The following GPM6A variants were observed in gnomAD, a reference collection of about 807,000 sequenced individuals.
GPM6A encodes the protein neuronal membrane glycoprotein M6-a.
A neutral mutation model predicts 32.1 loss-of-function variants in GPM6A; 7 were observed. The observed-to-expected ratio is 0.22, with a 90% confidence interval of 0.12 to 0.41. The LOEUF (loss-of-function observed/expected upper bound fraction) is 0.41. Among genes scored for constraint, GPM6A ranks in the 10% least tolerant of loss-of-function variants. The pLI is 1.00. For missense variants in GPM6A, 235 were observed against 347.2 expected (o/e 0.68, Z 2.57); for synonymous variants, 130 against 123.4 (o/e 1.05, Z -0.35).
At chr4:175,796,951 T>C (rs1189064663) in intron 1 of GPM6A, among the ~76,000 whole-genome samples, 1 of 149,592 alleles carries the variant, frequency 6.7e-6, no homozygotes, top group African/African-American at 2.5e-5. Flanking sequence ...TCCTGAATTG[T>C]TTTTTTTTCT....
chr4:175,893,552 C>A (rs77684599), intron 1 of GPM6A, among the ~76,000 whole-genome samples: 1,547 of 152,214 alleles, frequency 0.01, 36 homozygotes, highest in African/African-American at 0.035. Flanking sequence ...TCCTCTTGTT[C>A]TATTCTTCCT....
At chr4:175,921,539 T>C (rs546198392) in intron 1 of GPM6A, among the ~76,000 whole-genome samples, 21 of 151,946 alleles carry the variant, frequency 1.4e-4, no homozygotes, top group Middle Eastern at 6.8e-3. Flanking sequence ...GAAATATAAA[T>C]AAGATTACAT....
At chr4:175,776,792 A>T (rs1733414506) in intron 1 of GPM6A, among the ~76,000 whole-genome samples, 1 of 152,170 alleles carries the variant, frequency 6.6e-6, no homozygotes, top group Non-Finnish European at 1.5e-5. Flanking sequence ...TATACAAAGG[A>T]AGAGGTATAT....
In GPM6A at chr4:175,710,978, G is replaced by A. The variant is rs372163041; in HGVS notation, c.38-9211C>T. On this transcript the variant is annotated intron_variant, in intron 1 of 6. Coordinates refer to ENST00000393658, the MANE Select transcript of GPM6A (RefSeq NM_201591.3). ...CCAAGGAGACCAGGAATATGAAAAC[G>A]ACCCAGGCCCTGCTGCTGTCTGCAG... Among the ~76,000 whole-genome samples the A allele has an allele frequency of 2.2e-4, 34 of 152,132 alleles. No individual in the cohort carries two copies. In the East Asian group the frequency reaches 5.6e-3, roughly 25 times the overall value.
chr4:175,969,555 GA>G (rs2126418994), intron 1 of GPM6A, among the ~76,000 whole-genome samples: 1 of 152,022 alleles, frequency 6.6e-6, no homozygotes, highest in South Asian at 2.1e-4. Flanking sequence ...CTGAAAAAAA[GA>G]AAAAATTATC....
At chr4:175,936,707 C>T (rs183553276) in intron 1 of GPM6A, among the ~76,000 whole-genome samples, 1 of 151,620 alleles carries the variant, frequency 6.6e-6, no homozygotes, top group African/African-American at 2.4e-5. Context: ...GAAAAAAAAC[C>T]CATAAAAACG....
chr4:175,680,473 T>A (rs1743620990), intron 2 of GPM6A, among the ~76,000 whole-genome samples: 1 of 152,208 alleles, frequency 6.6e-6, no homozygotes, highest in Non-Finnish European at 1.5e-5. Flanking sequence ...TGCCCAAGAC[T>A]GAGACTATAT....
At chr4:175,773,105 A>G (rs1300682384) in intron 1 of GPM6A, among the ~76,000 whole-genome samples, 2 of 152,198 alleles carry the variant, frequency 1.3e-5, no homozygotes, top group Admixed American at 1.3e-4. Flanking sequence ...TACCCTTATA[A>G]ATATCCAACA....
intron 1 of GPM6A, among the ~76,000 whole-genome samples, chr4:175,903,733 T>A (rs1195580315): frequency 6.6e-6 from 1 of 152,126 alleles, no homozygotes; most frequent in African/African-American, 2.4e-5. Flanking sequence ...ATAATTTTTT[T>A]AAATCTCAAG....
At chr4:175,844,523 A>G (rs1736032030) in intron 1 of GPM6A, among the ~76,000 whole-genome samples, 5 of 152,180 alleles carry the variant, frequency 3.3e-5, no homozygotes, top group Admixed American at 3.3e-4. Flanking sequence ...TTTAGGTTTC[A>G]ATAATAGAAC....
Position 175,670,861 on chromosome 4 carries a change from A to ATTT in GPM6A, c.387+2816_387+2818dup, listed in dbSNP as rs33998725. ...CCATTCAGTGATACAATGTTGCTTC[A>ATTT]TTTTTTTTTTTTTTTTTTTTGAGAC... On this transcript the variant is annotated intron_variant, in intron 3 of 6. Coordinates refer to ENST00000393658, the MANE Select transcript of GPM6A (RefSeq NM_201591.3). Among the ~76,000 whole-genome samples the ATTT allele has an allele frequency of 4.5e-3, 555 of 124,170 alleles. 9 individuals carry two copies. Among genetic ancestry groups the ATTT allele is most frequent in the Non-Finnish European group, 6.8e-3 (403 of 58,986 alleles). The allele number at this position is 124,170 out of a possible 152,430, so 81.5% of individuals were successfully genotyped here. A position where few individuals can be genotyped will look rare whatever the true frequency, so the allele number is the denominator to read the frequency against.
chr4:175,836,933 C>A (rs1429298007), intron 1 of GPM6A, among the ~76,000 whole-genome samples: 4 of 152,096 alleles, frequency 2.6e-5, no homozygotes, highest in Non-Finnish European at 5.9e-5. Context: ...GTGTTCTAAT[C>A]CACAGAACAT....
intron 1 of GPM6A, among the ~76,000 whole-genome samples, chr4:175,901,490 G>A (rs888308283): frequency 1.3e-5 from 2 of 151,778 alleles, no homozygotes; most frequent in Non-Finnish European, 2.9e-5. Context: ...TAACATTAGA[G>A]TAGCTACCAT....
intron 1 of GPM6A, among the ~76,000 whole-genome samples, chr4:175,733,294 G>A (rs575888684): frequency 1.5e-4 from 23 of 152,164 alleles, no homozygotes; most frequent in Non-Finnish European, 3.4e-4. Flanking sequence ...ATGAGGTCAA[G>A]AGATGGAGAC....
chr4:175,833,987 T>C (rs1001751753), intron 1 of GPM6A, among the ~76,000 whole-genome samples: 1 of 152,094 alleles, frequency 6.6e-6, no homozygotes, highest in Non-Finnish European at 1.5e-5. Context: ...GTCTCTGAGC[T>C]AGTGCGTTTC....
intron 2 of GPM6A, among the ~76,000 whole-genome samples, chr4:175,694,807 G>A (rs562318435): frequency 6.6e-6 from 1 of 152,116 alleles, no homozygotes; most frequent in African/African-American, 2.4e-5. Flanking sequence ...ATGGGGAATA[G>A]GCCTCAAAGG....
chr4:175,979,492 T>C (rs958287904), intron 1 of GPM6A, among the ~76,000 whole-genome samples: 20 of 152,144 alleles, frequency 1.3e-4, no homozygotes, highest in African/African-American at 4.8e-4. Flanking sequence ...GAACATGTGG[T>C]GTTTGGTTTT....
At chr4:175,730,141 G>A (rs1298246000) in intron 1 of GPM6A, among the ~76,000 whole-genome samples, 1 of 152,012 alleles carries the variant, frequency 6.6e-6, no homozygotes, top group Non-Finnish European at 1.5e-5. Context: ...CCTTCTGGCA[G>A]CTTAAGTATA....
At chr4:175,765,395 T>G (rs1004637768) in intron 1 of GPM6A, among the ~76,000 whole-genome samples, 1 of 152,196 alleles carries the variant, frequency 6.6e-6, no homozygotes, top group African/African-American at 2.4e-5. Flanking sequence ...GAATTTATTT[T>G]TATTGATATA....
Sources: gnomAD v4.1 joint callset for allele counts (sites outside exome capture counted in the v4.1 genomes callset) on GRCh38, gnomAD v4.1.1 for gene constraint, MANE v1.5 for transcripts, NCBI Gene and HGNC (gene_info 2026-07-23, HGNC 2026-07-21) for gene names.